The following CEP162 variants were observed in gnomAD, a reference collection of about 807,000 sequenced individuals.
CEP162 encodes the protein centrosomal protein of 162 kDa.
In CEP162, 141 loss-of-function variants were observed where a neutral mutation model predicts 169.2. The ratio of observed to expected loss-of-function variants is 0.83; its 90% CI spans 0.73 to 0.96. The LOEUF (loss-of-function observed/expected upper bound fraction) is 0.96, where lower values mean the gene tolerates loss of function less well. Ranked by LOEUF, CEP162 falls within the 40% of genes least tolerant of loss-of-function variation. The pLI, the probability that CEP162 is intolerant of heterozygous loss-of-function variation, is 0.00. For missense variants in CEP162, 1,600 were observed against 1,587.2 expected (o/e 1.01, Z -0.14); for synonymous variants, 540 against 526.4 (o/e 1.03, Z -0.35).
intron 6 of CEP162, among the ~76,000 whole-genome samples, chr6:84,211,894 C>A (rs1032667365): frequency 3.5e-5 from 5 of 141,510 alleles, no homozygotes; most frequent in Admixed American, 7.0e-5. Flanking sequence ...AGTCAAATTG[C>A]CAAAAAAAAA....
intron 2 of CEP162, among the ~76,000 whole-genome samples, chr6:84,223,768 G>C (rs567090695): frequency 6.6e-6 from 1 of 151,904 alleles, no homozygotes. Context: ...TTAGCTGGGC[G>C]TGGTGGCAGG....
rs934204797 is a variant in CEP162, at chr6:84,226,425, T to C, written c.-32A>G. On this transcript the variant is annotated 5_prime_UTR_variant, in exon 2 of 27. It removes an upstream start codon present in the reference 5' UTR. Transcript: ENST00000403245. ...CAATTTTGACCTCCCAAAGTAAACA[T>C]TCTAAAGTACCTCAAACATTGGAAA... The C allele has an allele frequency of 7.5e-6, 11 of 1,475,294 alleles. No homozygotes were observed. The African/African-American group carries it at 8.3e-5, about 11-fold the overall frequency. 91.4% of individuals were successfully genotyped at this position (1,475,294 alleles called of 1,614,324 possible).
intron 18 of CEP162, among the ~76,000 whole-genome samples, chr6:84,165,372 C>G (rs1372266876): frequency 6.6e-6 from 1 of 152,018 alleles, no homozygotes; most frequent in Non-Finnish European, 1.5e-5. Flanking sequence ...CTATACTACT[C>G]TCAGAGGTCA....
chr6:84,154,986 T>C (rs1432839434), intron 22 of CEP162, among the ~76,000 whole-genome samples: 1 of 152,172 alleles, frequency 6.6e-6, no homozygotes, highest in Non-Finnish European at 1.5e-5. Flanking sequence ...AATTTCTTTT[T>C]TCCTTTTGTA....
intron 25 of CEP162, among the ~76,000 whole-genome samples, chr6:84,139,168 C>T (rs2099515436): frequency 6.6e-6 from 1 of 152,152 alleles, no homozygotes; most frequent in Admixed American, 6.5e-5. Context: ...AATACATTTT[C>T]CTTTAGTGAA....
At chr6:84,130,752 T>C (rs184393300) in intron 25 of CEP162, among the ~76,000 whole-genome samples, 1 of 152,092 alleles carries the variant, frequency 6.6e-6, no homozygotes, top group East Asian at 1.9e-4. Context: ...CTCTCTTCTC[T>C]TCTTTATTAA....
chr6:84,140,264 T>C (rs2099516020), intron 25 of CEP162, among the ~76,000 whole-genome samples: 1 of 152,052 alleles, frequency 6.6e-6, no homozygotes, highest in Non-Finnish European at 1.5e-5. Context: ...CAAACTTTGT[T>C]GTTTGGTTGA....
At chr6:84,222,191 C>T (rs2099553973) in intron 2 of CEP162, among the ~76,000 whole-genome samples, 2 of 152,128 alleles carry the variant, frequency 1.3e-5, no homozygotes, top group Non-Finnish European at 2.9e-5. Context: ...CAGCTCTCCT[C>T]CAGGCACCAA....
intron 25 of CEP162, among the ~76,000 whole-genome samples, chr6:84,134,798 T>C (rs559149827): frequency 6.6e-6 from 1 of 152,268 alleles, no homozygotes; most frequent in South Asian, 2.1e-4. Context: ...TTTGACCATC[T>C]TGCCAGCCTC....
chr6:84,193,755 A>G lies in CEP162; in HGVS notation c.1028-65T>C, dbSNP rs151207713. The G allele has an allele frequency of 3.8e-3, 3,248 of 846,754 alleles. 12 individuals carry two copies. Among genetic ancestry groups the G allele is most frequent in the Non-Finnish European group, 5.5e-3 (2,957 of 541,402 alleles). The allele number at this position is 846,754 out of a possible 1,614,324, so 52.5% of individuals were successfully genotyped here. On this transcript the variant is annotated intron_variant, in intron 10 of 26. Coordinates refer to ENST00000403245, the MANE Select transcript of CEP162 (RefSeq NM_014895.4). Reference sequence around the variant, plus strand: ...GTAGGTTGCTTAATTTACATGTGTAATAACACCAAAATTATATTTTCTCTG... The same window carrying G: ...GTAGGTTGCTTAATTTACATGTGTAGTAACACCAAAATTATATTTTCTCTG...
At chr6:84,156,416 C>T (rs73485314) in intron 21 of CEP162, among the ~76,000 whole-genome samples, 2,560 of 152,042 alleles carry the variant, frequency 0.017, 68 homozygotes, top group African/African-American at 0.057. Context: ...GCAAAGGACA[C>T]GAACACACAT....
chr6:84,195,010 G>A lies in CEP162; in HGVS notation c.901C>T (p.His301Tyr), dbSNP rs543592999. The A allele has an allele frequency of 8.1e-6, 13 of 1,612,044 alleles. No homozygotes were observed. In the South Asian group the frequency reaches 1.3e-4, roughly 16 times the overall value. ...TGTTTGTCTTCATCTCCCAATGAAT[G>A]GGCTATATGACAATAAGCTTGATGT... is the stretch of plus-strand genomic sequence containing the variant. Reference protein sequence around the residue: ...ALHQAYCHIAHSLGDEDKQKI... With the variant: ...ALHQAYCHIAYSLGDEDKQKI... Residue 301 changes from histidine (H) to tyrosine (Y), a missense_variant, in exon 10 of 27, where the codon CAT (histidine) becomes TAT (tyrosine). Physicochemically the swap from His to Tyr is moderately conservative, Grantham distance 83 (BLOSUM62 2). Coordinates refer to ENST00000403245, the MANE Select transcript of CEP162 (RefSeq NM_014895.4).
chr6:84,161,675 G>A (rs2099525834), intron 20 of CEP162, 71 bp downstream of exon 20: 12 of 1,085,294 alleles, frequency 1.1e-5, no homozygotes, highest in Non-Finnish European at 1.3e-5. Flanking sequence ...ATGACAAAAG[G>A]TTATGTACAA....
intron 9 of CEP162, among the ~76,000 whole-genome samples, chr6:84,195,334 G>A (rs1345616183): frequency 1.3e-5 from 2 of 152,056 alleles, no homozygotes; most frequent in South Asian, 2.1e-4. Context: ...ATTCTTAATC[G>A]ACCCCCTCTG....
chr6:84,141,894 T>TA (rs919270499), intron 25 of CEP162, among the ~76,000 whole-genome samples: 21 of 151,192 alleles, frequency 1.4e-4, no homozygotes, highest in African/African-American at 2.4e-4. Flanking sequence ...AAGAAAAACT[T>TA]AAAAAAAAAT....
At chr6:84,134,335 C>A (rs746335144) in intron 25 of CEP162, among the ~76,000 whole-genome samples, 1 of 152,176 alleles carries the variant, frequency 6.6e-6, no homozygotes, top group Non-Finnish European at 1.5e-5. Flanking sequence ...ACTTGGCTCC[C>A]TGGCTTCAAC....
At chr6:84,162,495 C>T (rs2099526191) in intron 19 of CEP162, among the ~76,000 whole-genome samples, 1 of 152,124 alleles carries the variant, frequency 6.6e-6, no homozygotes, top group African/African-American at 2.4e-5. Flanking sequence ...CTATCTTTTG[C>T]AAACAAGGGC....
chr6:84,204,819 G>C (rs2099546077), intron 6 of CEP162, among the ~76,000 whole-genome samples: 1 of 152,100 alleles, frequency 6.6e-6, no homozygotes, highest in Non-Finnish European at 1.5e-5. Flanking sequence ...CAACAAAATT[G>C]ATAGACTGCT....
intron 9 of CEP162, among the ~76,000 whole-genome samples, chr6:84,197,625 C>T (rs2099542675): frequency 6.6e-6 from 1 of 151,932 alleles, no homozygotes; most frequent in Non-Finnish European, 1.5e-5. Flanking sequence ...CCAGCCTGGC[C>T]AACATGGTGA....
Sources: allele counts gnomAD v4.1 joint callset (sites outside exome capture counted in the v4.1 genomes callset), GRCh38; gene constraint gnomAD v4.1.1; transcripts MANE v1.5; gene names NCBI Gene and HGNC (gene_info 2026-07-23, HGNC 2026-07-21).